Variants in ACTN2 observed in about 807,000 individuals in gnomAD.
ACTN2 encodes actinin alpha 2.
Under a neutral mutation model 113.8 loss-of-function variants are expected in ACTN2, and 39 were observed. That is an observed-to-expected ratio of 0.34 (90% CI 0.27 to 0.45). ACTN2 has a LOEUF of 0.45. ACTN2 is among the 20% of genes least tolerant of loss of function. The pLI is 1.00. For missense variants in ACTN2, 992 were observed against 1,177.9 expected (o/e 0.84, Z 2.31); for synonymous variants, 429 against 444.1 (o/e 0.97, Z 0.43).
chr1:236,722,981 G>A (rs1039312376), intron 4 of ACTN2, among the ~76,000 whole-genome samples: 1 of 152,218 alleles, frequency 6.6e-6, no homozygotes, highest in African/African-American at 2.4e-5. Flanking sequence ...GTAACCAATT[G>A]AAGAAGGAAA....
intron 15 of ACTN2, among the ~76,000 whole-genome samples, chr1:236,753,178 G>A (rs1659453948): frequency 6.6e-6 from 1 of 152,166 alleles, no homozygotes; most frequent in African/African-American, 2.4e-5. Flanking sequence ...GAACCCGTCT[G>A]GCAGTCTGGG....
At chr1:236,726,955 T>C (rs905524438) in intron 5 of ACTN2, among the ~76,000 whole-genome samples, 5 of 152,230 alleles carry the variant, frequency 3.3e-5, no homozygotes, top group African/African-American at 9.6e-5. Context: ...TACTTCAGCA[T>C]TGTAGCACTG....
At position 236,717,838 on chromosome 1, in the gene ACTN2, G is replaced by T; in HGVS notation, c.127-20G>T. 1 of 1,550,876 alleles carries T rather than the reference G, an allele frequency of 6.4e-7. No homozygotes were observed. The highest frequency in any genetic ancestry group is 1.1e-5 in the South Asian group (1 of 89,680). On this transcript the variant is annotated intron_variant, in intron 1 of 20. Coordinates refer to ENST00000366578, the MANE Select transcript of ACTN2 (RefSeq NM_001103.4). The stretch of plus-strand genomic sequence containing the variant: ...AAATCCGATGGACCTGTGCTAAACC[G>T]TGTTTGGTTTTCTTTGCAGACCTTC...
At chr1:236,762,424 T>G (rs369224970) in intron 20 of ACTN2, 37 bp from the exon 21 acceptor site, 2 of 1,613,394 alleles carry the variant, frequency 1.2e-6, no homozygotes, top group South Asian at 1.1e-5. Context: ...GTGGTGTTTC[T>G]GCAACTGACT....
chr1:236,713,260 T>C (rs1658098760), intron 1 of ACTN2, among the ~76,000 whole-genome samples: 1 of 151,488 alleles, frequency 6.6e-6, no homozygotes, highest in Non-Finnish European at 1.5e-5. Context: ...GGAGTTTCAC[T>C]CCTGTTTCCC....
intron 1 of ACTN2, among the ~76,000 whole-genome samples, chr1:236,709,605 C>T (rs991819218): frequency 1.3e-5 from 2 of 151,804 alleles, no homozygotes; most frequent in Non-Finnish European, 2.9e-5. Flanking sequence ...TGGAATTGAC[C>T]AAGCAGACCT....
intron 1 of ACTN2, among the ~76,000 whole-genome samples, chr1:236,689,975 C>G (rs1288777295): frequency 6.6e-6 from 1 of 152,168 alleles, no homozygotes; most frequent in Non-Finnish European, 1.5e-5. Flanking sequence ...TTTAAGGACA[C>G]GAAATATGTG....
At chr1:236,750,412 T>C (rs1659361395) in intron 14 of ACTN2, among the ~76,000 whole-genome samples, 1 of 152,188 alleles carries the variant, frequency 6.6e-6, no homozygotes, top group Admixed American at 6.5e-5. Context: ...CTGCGTGCAC[T>C]CTTAAGCACA....
Position 236,737,297 on chromosome 1 carries a change from GCATATATATATA to G in ACTN2, c.876+84_876+95del, listed in dbSNP as rs1296165616. 4.0e-5 allele frequency: 13 copies of G among 322,156 alleles called. 3 individuals carry two copies. Among genetic ancestry groups the G allele is most frequent in the South Asian group, 6.8e-5 (3 of 43,808 alleles). 20.0% of individuals were successfully genotyped at this position (322,156 alleles called of 1,614,324 possible). A position where few individuals can be genotyped will look rare whatever the true frequency, so the allele number is the denominator to read the frequency against. ...GAGGGTGAAAAAATACTCCGTGGGG[GCATATATATATA>G]TATATATATTTTGCATTTTTCATCT... On this transcript the variant is annotated intron_variant, in intron 9 of 20. Transcript: ENST00000366578.
At chr1:236,738,424 C>T (rs1658958640) in intron 9 of ACTN2, among the ~76,000 whole-genome samples, 1 of 152,242 alleles carries the variant, frequency 6.6e-6, no homozygotes, top group African/African-American at 2.4e-5. Flanking sequence ...TATCTTCATA[C>T]TGCTGCTATA....
intron 1 of ACTN2, among the ~76,000 whole-genome samples, chr1:236,709,250 A>ATG (rs1657931506): frequency 8.2e-5 from 8 of 97,554 alleles, no homozygotes; most frequent in African/African-American, 2.8e-4. Context: ...ATATATATAT[A>ATG]TATATACACA....
At chr1:236,716,969 G>T (rs929130814) in intron 1 of ACTN2, among the ~76,000 whole-genome samples, 12 of 151,428 alleles carry the variant, frequency 7.9e-5, no homozygotes, top group African/African-American at 2.4e-4. Context: ...TGAGTAGCTG[G>T]GACTACAGGC....
chr1:236,695,269 T>C (rs1038246860), intron 1 of ACTN2, among the ~76,000 whole-genome samples: 9 of 151,090 alleles, frequency 6.0e-5, no homozygotes, highest in Non-Finnish European at 1.2e-4. Flanking sequence ...TCCCAGCCAC[T>C]TGGGAGGCTG....
At chr1:236,738,953 G>A (rs891269596) in intron 9 of ACTN2, among the ~76,000 whole-genome samples, 2 of 152,010 alleles carry the variant, frequency 1.3e-5, no homozygotes, top group African/African-American at 2.4e-5. Flanking sequence ...CAAGTATTTT[G>A]GGGTTGTTTT....
At position 236,726,129 on chromosome 1, in the gene ACTN2, A is replaced by G. The variant is rs1357997251; in HGVS notation, c.536+109A>G. On this transcript the variant is annotated intron_variant, in intron 5 of 20. Transcript: ENST00000366578. Reference sequence around the variant, plus strand: ...TTTCCTCCTGTCTGAGAAGCCTTTTATGTATCGAGGAGAACTCAGGCTGTA... The same window carrying G: ...TTTCCTCCTGTCTGAGAAGCCTTTTGTGTATCGAGGAGAACTCAGGCTGTA... 7.1e-6 allele frequency: 7 copies of G among 979,070 alleles called. No individual in the cohort carries two copies. The East Asian group carries it at 1.4e-4, about 20-fold the overall frequency. The allele number at this position is 979,070 out of a possible 1,614,324, so 60.6% of individuals were successfully genotyped here. A position where few individuals can be genotyped will look rare whatever the true frequency, so the allele number is the denominator to read the frequency against.
intron 4 of ACTN2, among the ~76,000 whole-genome samples, chr1:236,723,852 T>G (rs924172155): frequency 5.9e-5 from 9 of 152,162 alleles, no homozygotes; most frequent in African/African-American, 2.2e-4. Flanking sequence ...CCATGTTAGT[T>G]AGGAATCGAC....
intron 12 of ACTN2, among the ~76,000 whole-genome samples, chr1:236,746,313 T>G (rs540134859): frequency 6.6e-6 from 1 of 152,288 alleles, no homozygotes; most frequent in South Asian, 2.1e-4. Context: ...TCTTTAAACT[T>G]CCATGGTTCT....
chr1:236,727,877 G>A, intron 6 of ACTN2, 121 bp downstream of exon 6: 1 of 900,816 alleles, frequency 1.1e-6, no homozygotes, highest in Non-Finnish European at 1.8e-6. Flanking sequence ...ACGGCCACCA[G>A]GAAAAAGCAC....
intron 10 of ACTN2, among the ~76,000 whole-genome samples, chr1:236,740,752 C>T (rs752367918): frequency 2.6e-5 from 4 of 151,436 alleles, no homozygotes; most frequent in African/African-American, 4.9e-5. Flanking sequence ...AGGCTGGTCT[C>T]GAACTCCTGA....
Sources: allele counts gnomAD v4.1 joint callset (sites outside exome capture counted in the v4.1 genomes callset), GRCh38; gene constraint gnomAD v4.1.1; transcripts MANE v1.5; gene names NCBI Gene and HGNC (gene_info 2026-07-23, HGNC 2026-07-21).